Variants in TMEM132B observed in about 807,000 individuals in gnomAD.
TMEM132B encodes transmembrane protein 132B.
In TMEM132B, 18 loss-of-function variants were observed where a neutral mutation model predicts 90.8. That is an observed-to-expected ratio of 0.20 (90% confidence interval 0.14 to 0.29). The LOEUF (loss-of-function observed/expected upper bound fraction) is 0.29, where lower values mean the gene tolerates loss of function less well. TMEM132B is among the 10% of genes least tolerant of loss of function. TMEM132B has a pLI of 1.00. For missense variants in TMEM132B, 1,096 were observed against 1,326.8 expected (o/e 0.83, Z 2.70); for synonymous variants, 504 against 523.3 (o/e 0.96, Z 0.50).
chr12:125,262,236 C>T (rs1250347905), intron 1 of TMEM132B, among the ~76,000 whole-genome samples: 1 of 137,384 alleles, frequency 7.3e-6, no homozygotes, highest in Admixed American at 7.4e-5. Flanking sequence ...TAACAAGACC[C>T]TGTTTCTACA....
chr12:125,308,673 A>G (rs1181764444), intron 1 of TMEM132B, among the ~76,000 whole-genome samples: 2 of 152,140 alleles, frequency 1.3e-5, no homozygotes, highest in Non-Finnish European at 2.9e-5. Context: ...TGAAAAGTAC[A>G]AAGAGTAACA....
intron 1 of TMEM132B, among the ~76,000 whole-genome samples, chr12:125,260,430 C>T (rs78957901): frequency 0.055 from 8,367 of 152,042 alleles, 322 homozygotes; most frequent in African/African-American, 0.099. Context: ...TAGCTTACTT[C>T]AGCCCCTAAC....
chr12:125,288,720 T>C (rs1386115432), intron 1 of TMEM132B, among the ~76,000 whole-genome samples: 1 of 152,136 alleles, frequency 6.6e-6, no homozygotes, highest in Admixed American at 6.5e-5. Context: ...TCGTGGGATG[T>C]TCAGCAGCAT....
chr12:125,353,356 T>TA (rs1194071529), intron 2 of TMEM132B, among the ~76,000 whole-genome samples: 2 of 152,230 alleles, frequency 1.3e-5, no homozygotes, highest in African/African-American at 2.4e-5. Context: ...CACATAAGAC[T>TA]AAACTTATTT....
intron 5 of TMEM132B, among the ~76,000 whole-genome samples, chr12:125,596,220 A>C (rs944053017): frequency 3.3e-5 from 5 of 152,184 alleles, no homozygotes; most frequent in Admixed American, 3.3e-4. Flanking sequence ...GACTTTCAGA[A>C]GTTCACACTG....
At chr12:125,206,083 C>T (rs10846840) in intron 1 of TMEM132B, among the ~76,000 whole-genome samples, 50,525 of 151,912 alleles carry the variant, frequency 0.33, 8,653 homozygotes, top group African/African-American at 0.4. Flanking sequence ...TGGGACTGCC[C>T]GACCCCACAG....
chr12:125,619,715 T>C (rs1030962468), intron 5 of TMEM132B, among the ~76,000 whole-genome samples: 2 of 152,214 alleles, frequency 1.3e-5, no homozygotes, highest in African/African-American at 2.4e-5. Flanking sequence ...GCAGGATTTA[T>C]AGTCTATTCT....
At chr12:125,638,212 C>G (rs1484882241) in intron 5 of TMEM132B, among the ~76,000 whole-genome samples, 1 of 152,122 alleles carries the variant, frequency 6.6e-6, no homozygotes, top group Non-Finnish European at 1.5e-5. Flanking sequence ...TAACTAGCAG[C>G]CTCTCCTTGG....
At chr12:125,187,387 G>C (rs1050393296) in intron 1 of TMEM132B, among the ~76,000 whole-genome samples, 1 of 152,056 alleles carries the variant, frequency 6.6e-6, no homozygotes, top group Admixed American at 6.5e-5. Flanking sequence ...GCCCTCCCCT[G>C]CTTTCACACT....
chr12:125,432,401 A>ATATATATATATATG (rs1880543777), intron 3 of TMEM132B, among the ~76,000 whole-genome samples: 1 of 59,284 alleles, frequency 1.7e-5, no homozygotes. Flanking sequence ...ATATATATGT[A>ATATATATATATATG]TGTATGTGTA....
At chr12:125,287,014 T>TC (rs1875379102) in intron 1 of TMEM132B, among the ~76,000 whole-genome samples, 1 of 118,140 alleles carries the variant, frequency 8.5e-6, no homozygotes. Flanking sequence ...GAATTCCTCT[T>TC]TTTTTTTTTT....
At chr12:125,461,831 G>A (rs553969669) in intron 3 of TMEM132B, among the ~76,000 whole-genome samples, 51 of 152,264 alleles carry the variant, frequency 3.3e-4, no homozygotes, top group South Asian at 1.5e-3. Context: ...TTTGCATCCC[G>A]CTGGTCTCCT....
intron 4 of TMEM132B, among the ~76,000 whole-genome samples, chr12:125,565,738 G>T (rs1341830075): frequency 6.6e-6 from 1 of 152,158 alleles, no homozygotes; most frequent in South Asian, 2.1e-4. Flanking sequence ...TTTCTCTGCT[G>T]CACTATTATG....
chr12:125,379,932 G>T (rs1450058706), intron 2 of TMEM132B, among the ~76,000 whole-genome samples: 3 of 152,184 alleles, frequency 2.0e-5, no homozygotes, highest in Admixed American at 6.5e-5. Flanking sequence ...ATTCAGGGTA[G>T]ATCTGTGAAC....
chr12:125,227,817 A>G (rs894847084), intron 1 of TMEM132B, among the ~76,000 whole-genome samples: 1 of 152,132 alleles, frequency 6.6e-6, no homozygotes, highest in Non-Finnish European at 1.5e-5. Flanking sequence ...CAAAAGTACC[A>G]GGAATGAATG....
chr12:125,539,758 C>G (rs1883905464), intron 4 of TMEM132B, among the ~76,000 whole-genome samples: 2 of 152,146 alleles, frequency 1.3e-5, no homozygotes, highest in Admixed American at 6.5e-5. Flanking sequence ...CCTGATCAGT[C>G]TGGCTAGAGT....
intron 1 of TMEM132B, among the ~76,000 whole-genome samples, chr12:125,252,644 AC>A (rs1482087431): frequency 6.6e-6 from 1 of 152,084 alleles, no homozygotes; most frequent in Non-Finnish European, 1.5e-5. Context: ...TGTTGCATGG[AC>A]TTTTGTCTCA....
At chr12:125,336,811 C>T (rs1002156759) in intron 1 of TMEM132B, among the ~76,000 whole-genome samples, 7 of 152,218 alleles carry the variant, frequency 4.6e-5, no homozygotes, top group African/African-American at 1.7e-4. Context: ...GGGGCTCCAG[C>T]CCAGGTGTCT....
chr12:125,514,491 A>G (rs188960838), intron 3 of TMEM132B, among the ~76,000 whole-genome samples: 30 of 152,270 alleles, frequency 2.0e-4, no homozygotes, highest in Admixed American at 1.5e-3. Context: ...CTTTTTGGTC[A>G]TCTTAAAAAT....
Sources: gnomAD v4.1 joint callset for allele counts (sites outside exome capture counted in the v4.1 genomes callset) on GRCh38, gnomAD v4.1.1 for gene constraint, MANE v1.5 for transcripts, NCBI Gene and HGNC (gene_info 2026-07-23, HGNC 2026-07-21) for gene names.